VIPAS39: variants seen among roughly 807,000 people sequenced by gnomAD.
VIPAS39 encodes VPS33B interacting protein, apical-basolateral polarity regulator, spe-39 homolog, also known as spermatogenesis-defective protein 39 homolog.
A neutral mutation model predicts 84.7 loss-of-function variants in VIPAS39; 63 were observed. That is an observed-to-expected ratio of 0.74 (90% CI 0.61 to 0.92). VIPAS39 has a LOEUF of 0.92. VIPAS39 is among the 40% of genes least tolerant of loss of function. The pLI is 0.00. For synonymous variants in VIPAS39, 192 were observed against 216.5 expected (o/e 0.89, Z 0.99); for missense variants, 499 against 604.5 (o/e 0.83, Z 1.83).
At chr14:77,456,427 C>G (rs1398911745) in intron 1 of VIPAS39, among the ~76,000 whole-genome samples, 4 of 152,188 alleles carry the variant, frequency 2.6e-5, no homozygotes, top group African/African-American at 9.6e-5. Context: ...GTCTCTGGCA[C>G]ACATGTCAGT....
At chr14:77,444,088 G>T (rs1028111923) in intron 8 of VIPAS39, among the ~76,000 whole-genome samples, 161 bp downstream of exon 8, 3 of 150,644 alleles carry the variant, frequency 2.0e-5, no homozygotes, top group Non-Finnish European at 4.4e-5. Flanking sequence ...TGTGGCACCA[G>T]CTAAGCCCTT....
intron 16 of VIPAS39, among the ~76,000 whole-genome samples, chr14:77,431,248 T>C (rs548792348): frequency 3.9e-5 from 6 of 152,322 alleles, no homozygotes; most frequent in African/African-American, 1.2e-4. Context: ...AGGCAGCCTA[T>C]GGATTAGAAT....
chr14:77,428,984 C>A, intron 18 of VIPAS39, 22 bp downstream of exon 18: 1 of 1,606,336 alleles, frequency 6.2e-7, no homozygotes, highest in Non-Finnish European at 8.5e-7. Flanking sequence ...TAACGGAGGA[C>A]TCCCATTTCT....
rs754164698 is a variant in VIPAS39 at position 77,433,926 on chromosome 14, T to C, written c.1095A>G (p.Pro365=). 18 of 1,613,844 alleles carry C rather than the reference T, an allele frequency of 1.1e-5. No homozygotes were observed. The highest frequency in any genetic ancestry group is 1.6e-4 in the Middle Eastern group (1 of 6,084). Residue 365 remains proline (P), a synonymous_variant, in exon 16 of 20, where the codon CCA becomes CCG. Coordinates refer to ENST00000557658, the MANE Select transcript of VIPAS39 (RefSeq NM_001193315.2). ...PVNLKKTFKI[P]DKQYVLTALA... ...GGGCTGTCAGCACATACTGTTTATC[T>C]GGGATCTGGAAAGCAGAGACCGAGA... is the stretch of plus-strand genomic sequence containing the variant.
chr14:77,455,415 G>A (rs1280105131), intron 1 of VIPAS39, among the ~76,000 whole-genome samples: 3 of 152,174 alleles, frequency 2.0e-5, no homozygotes, highest in Admixed American at 1.3e-4. Flanking sequence ...AGCTTGGGAC[G>A]TCGAGGCTGC....
At position 77,437,900 on chromosome 14, in the gene VIPAS39, G is replaced by A; in HGVS notation, c.763-19C>T. 1 of 1,613,550 alleles carries A rather than the reference G, an allele frequency of 6.2e-7. No homozygotes were observed. The highest frequency in any genetic ancestry group is 2.2e-5 in the East Asian group (1 of 44,864). The stretch of plus-strand genomic sequence containing the variant: ...GAGATAGCTACAAAAAGCAGAAAAA[G>A]GCTTTGAGGTATTTTGTCTCCTTAG... On this transcript the variant is annotated intron_variant, in intron 11 of 19. Coordinates refer to ENST00000557658, the MANE Select transcript of VIPAS39 (RefSeq NM_001193315.2).
At chr14:77,432,747 A>G (rs1020297139) in intron 16 of VIPAS39, among the ~76,000 whole-genome samples, 4 of 152,162 alleles carry the variant, frequency 2.6e-5, no homozygotes, top group Non-Finnish European at 4.4e-5. Context: ...CCAGAGGGGG[A>G]AAAAAGTAGG....
At position 77,448,557 on chromosome 14, in the gene VIPAS39, T is replaced by C; in HGVS notation, c.448-7A>G. On this transcript the variant is annotated splice_region_variant and splice_polypyrimidine_tract_variant and intron_variant, in intron 6 of 19. Coordinates refer to ENST00000557658, the MANE Select transcript of VIPAS39 (RefSeq NM_001193315.2). ...TCCAGTCATTGCTGTAATCCTGGAA[T>C]ATTAGCAATACGTGAATCCCAGGAA... is the stretch of plus-strand genomic sequence containing the variant. 1 of 1,614,090 alleles carries C rather than the reference T, an allele frequency of 6.2e-7. No individual in the cohort carries two copies. The highest frequency in any genetic ancestry group is 8.5e-7 in the Non-Finnish European group (1 of 1,179,972).
chr14:77,454,352 C>T (rs1594929996), intron 1 of VIPAS39, among the ~76,000 whole-genome samples: 1 of 152,174 alleles, frequency 6.6e-6, no homozygotes, highest in East Asian at 1.9e-4. Context: ...TTGTCCAGGG[C>T]ACTCTCTCAG....
intron 18 of VIPAS39, 88 bp from the exon 19 acceptor site, chr14:77,428,562 A>G: frequency 9.0e-7 from 1 of 1,106,592 alleles, no homozygotes; most frequent in Non-Finnish European, 1.4e-6. Context: ...TCCTGGGCTC[A>G]AGCAATCCTC....
At chr14:77,457,016 C>T in intron 1 of VIPAS39, 1 of 1,261,260 alleles carries the variant, frequency 7.9e-7, no homozygotes, top group Non-Finnish European at 1.0e-6. Context: ...AGAACAGGAA[C>T]TTTACAAAGG....
chr14:77,429,084 C>T lies in VIPAS39; in HGVS notation c.1278G>A (p.Glu426=), dbSNP rs750116690. Reference sequence around the variant, plus strand: ...CCACATCTTCCACCAGATTGACATACTCCTGTAATATCTGTGGGAAGAGGT... The same window carrying T: ...CCACATCTTCCACCAGATTGACATATTCCTGTAATATCTGTGGGAAGAGGT... The part of the protein sequence containing the change: ...KNNAPVQILQ[E]YVNLVEDVDT... The change falls in exon 18 of 20, where the codon GAG becomes GAA. Residue 426 remains glutamate, a synonymous_variant. Transcript: ENST00000557658. The T allele has an allele frequency of 4.3e-6, 7 of 1,613,830 alleles. No individual in the cohort carries two copies. The highest frequency in any genetic ancestry group is 5.9e-6 in the Non-Finnish European group (7 of 1,179,788).
intron 19 of VIPAS39, 108 bp downstream of exon 19, chr14:77,428,262 G>T: frequency 2.1e-6 from 2 of 955,530 alleles, no homozygotes; most frequent in South Asian, 1.4e-5. Flanking sequence ...ACATCCATGT[G>T]GCTTAGCCAA....
At chr14:77,432,070 C>G (rs924205537) in intron 16 of VIPAS39, among the ~76,000 whole-genome samples, 5 of 152,016 alleles carry the variant, frequency 3.3e-5, no homozygotes, top group African/African-American at 9.7e-5. Flanking sequence ...TAGTACTGTA[C>G]TGTAATCAGG....
intron 3 of VIPAS39, among the ~76,000 whole-genome samples, chr14:77,451,587 T>C (rs564471695): frequency 6.6e-6 from 1 of 152,298 alleles, no homozygotes; most frequent in African/African-American, 2.4e-5. Flanking sequence ...TTTTCTCTTT[T>C]TTTCTTTTTT....
chr14:77,428,388 A>C lies in VIPAS39; in HGVS notation c.1443T>G (p.Asp481Glu), dbSNP rs775365343. 8.7e-6 allele frequency: 14 copies of C among 1,613,920 alleles called. No homozygotes were observed. The East Asian group carries it at 3.1e-4, about 36-fold the overall frequency. Residue 481 changes from aspartate to glutamate, a missense_variant, in exon 19 of 20, where the codon GAT (aspartate) becomes GAG (glutamate). Coordinates refer to ENST00000557658, the MANE Select transcript of VIPAS39 (RefSeq NM_001193315.2). ...TGCTCACCGAGCTGCTGAGAAGAGC[A>C]TCAATCTTCTCCTCCTCTGCTGATC... ...DKGSAEEEKI[D>E]ALLSSSQIRW...
chr14:77,451,626 G>A (rs963408971), intron 3 of VIPAS39, among the ~76,000 whole-genome samples: 3 of 151,170 alleles, frequency 2.0e-5, no homozygotes, highest in Non-Finnish European at 4.4e-5. Context: ...CTACATTGCC[G>A]GAGCTCTGGA....
At position 77,442,765 on chromosome 14, in the gene VIPAS39, C is replaced by T. The variant is rs2078723020; in HGVS notation, c.632-103G>A. 3 of 1,074,854 alleles carry T rather than the reference C, an allele frequency of 2.8e-6. No homozygotes were observed. The Admixed American group carries it at 5.2e-5, about 19-fold the overall frequency. The allele number at this position is 1,074,854 out of a possible 1,614,324, so 66.6% of individuals were successfully genotyped here. ...CATTCCAAATATTATCTCATCAAAC[C>T]CTAACAAAAGCTAAGAATGGTTTAC... On this transcript the variant is annotated intron_variant, in intron 9 of 19. Transcript: ENST00000557658.
intron 10 of VIPAS39, among the ~76,000 whole-genome samples, chr14:77,441,771 T>C (rs1180292255): frequency 6.6e-6 from 1 of 152,222 alleles, no homozygotes; most frequent in Non-Finnish European, 1.5e-5. Context: ...CTGGAGTCAC[T>C]GGATATCAGT....
Sources: gnomAD v4.1 joint callset for allele counts (sites outside exome capture counted in the v4.1 genomes callset) on GRCh38, gnomAD v4.1.1 for gene constraint, MANE v1.5 for transcripts, NCBI Gene and HGNC (gene_info 2026-07-23, HGNC 2026-07-21) for gene names.